The following CAB39L variants were observed in gnomAD, a reference collection of about 807,000 sequenced individuals.
CAB39L encodes the protein calcium-binding protein 39-like.
Under a neutral mutation model 39.1 loss-of-function variants are expected in CAB39L, and 23 were observed. The observed-to-expected ratio is 0.59, with a 90% CI of 0.42 to 0.83. CAB39L has a LOEUF of 0.83. Ranked by LOEUF, CAB39L falls within the 40% of genes least tolerant of loss-of-function variation. CAB39L has a pLI of 0.00. For missense variants in CAB39L, 366 were observed against 391.9 expected, an observed-to-expected ratio of 0.93 and a Z score of 0.56; for synonymous variants, 126 against 137.2, an observed-to-expected ratio of 0.92 and a Z score of 0.57.
At chr13:49,387,974 T>C (rs1956401232) in intron 3 of CAB39L, among the ~76,000 whole-genome samples, 1 of 152,130 alleles carries the variant, frequency 6.6e-6, no homozygotes, top group South Asian at 2.1e-4. Context: ...TATAATGTAC[T>C]AGGCACTGAA....
intron 10 of CAB39L, among the ~76,000 whole-genome samples, chr13:49,320,928 G>A (rs188916707): frequency 1.3e-5 from 2 of 152,160 alleles, no homozygotes; most frequent in Non-Finnish European, 2.9e-5. Context: ...AATTAGACTG[G>A]ACCCCACTGC....
At chr13:49,401,262 G>C (rs375097157) in intron 3 of CAB39L, 1 of 152,150 alleles carries the variant, frequency 6.6e-6, no homozygotes, top group Non-Finnish European at 1.5e-5. Context: ...ATTTAATAGA[G>C]GTTGCCTCCT....
chr13:49,339,517 T>C (rs1315711541), intron 9 of CAB39L, among the ~76,000 whole-genome samples, 160 bp downstream of exon 9: 1 of 152,186 alleles, frequency 6.6e-6, no homozygotes, highest in African/African-American at 2.4e-5. Context: ...TATTTTGCTA[T>C]AAAATACAGT....
intron 5 of CAB39L, among the ~76,000 whole-genome samples, chr13:49,373,519 C>T (rs1292968224): frequency 6.6e-6 from 1 of 152,118 alleles, no homozygotes; most frequent in African/African-American, 2.4e-5. Context: ...AAAGAAGCAC[C>T]AGGAGAGGCT....
At chr13:49,356,282 A>T (rs1287500589) in intron 6 of CAB39L, among the ~76,000 whole-genome samples, 1 of 151,520 alleles carries the variant, frequency 6.6e-6, no homozygotes, top group South Asian at 2.1e-4. Flanking sequence ...TAATAAACTT[A>T]AAAAAACAGG....
intron 8 of CAB39L, among the ~76,000 whole-genome samples, chr13:49,341,470 C>T (rs1329270021): frequency 1.3e-5 from 2 of 152,108 alleles, no homozygotes; most frequent in African/African-American, 2.4e-5. Flanking sequence ...CCAGGTTGGT[C>T]TTGAACTCCT....
chr13:49,342,692 A>G (rs1346799224), intron 8 of CAB39L, among the ~76,000 whole-genome samples: 5 of 152,182 alleles, frequency 3.3e-5, no homozygotes, highest in Non-Finnish European at 2.9e-5. Flanking sequence ...CCCTTCCCTA[A>G]GTCCTAGTTT....
chr13:49,375,587 A>G (rs1440707552), intron 5 of CAB39L, among the ~76,000 whole-genome samples: 1 of 152,108 alleles, frequency 6.6e-6, no homozygotes, highest in Non-Finnish European at 1.5e-5. Flanking sequence ...ATAGGTGGGA[A>G]TTGAACAATG....
In CAB39L at chr13:49,346,058, C is replaced by CATATATATATATGCTAGATATAT. The variant is rs1566079088; in HGVS notation, c.565-1843_565-1821dup. On this transcript the variant is annotated intron_variant, in intron 7 of 10. Transcript: ENST00000409308. ...ATAGGGTGGGGTAGAATTCCTCCAG[C>CATATATATATATGCTAGATATAT]ATATATATATATGCTAGATATATAT... Among the ~76,000 whole-genome samples the CATATATATATATGCTAGATATAT allele has an allele frequency of 1.3e-3, 84 of 66,432 alleles. 2 individuals are homozygous for CATATATATATATGCTAGATATAT. The highest frequency in any genetic ancestry group is 4.6e-3 in the African/African-American group (80 of 17,472). 43.6% of individuals were successfully genotyped at this position (66,432 alleles called of 152,430 possible).
chr13:49,394,210 C>T (rs1231456007), intron 3 of CAB39L, among the ~76,000 whole-genome samples: 1 of 151,604 alleles, frequency 6.6e-6, no homozygotes, highest in Non-Finnish European at 1.5e-5. Context: ...CTCTTTAAGA[C>T]AATTAAGAAA....
chr13:49,329,520 C>A (rs1170729811), intron 10 of CAB39L, among the ~76,000 whole-genome samples: 1 of 106,422 alleles, frequency 9.4e-6, no homozygotes. Flanking sequence ...CCTTGTCCTA[C>A]ATATCTCTTC....
chr13:49,369,308 T>G (rs1955851362), intron 5 of CAB39L, among the ~76,000 whole-genome samples: 1 of 152,188 alleles, frequency 6.6e-6, no homozygotes, highest in African/African-American at 2.4e-5. Context: ...TGGAAATATG[T>G]AAAATATCCC....
At chr13:49,433,763 T>C (rs1241207024) in intron 2 of CAB39L, among the ~76,000 whole-genome samples, 2 of 152,188 alleles carry the variant, frequency 1.3e-5, no homozygotes, top group Non-Finnish European at 2.9e-5. Context: ...AAAAAGGCTG[T>C]GGGAAGGCTT....
intron 10 of CAB39L, among the ~76,000 whole-genome samples, chr13:49,326,253 G>A (rs1418139192): frequency 6.6e-6 from 1 of 152,232 alleles, no homozygotes; most frequent in African/African-American, 2.4e-5. Flanking sequence ...ATCTCTGGGA[G>A]AGTCAGGACC....
intron 8 of CAB39L, among the ~76,000 whole-genome samples, chr13:49,342,598 T>C (rs143926486): frequency 2.6e-5 from 4 of 152,304 alleles, no homozygotes; most frequent in African/African-American, 9.6e-5. Context: ...GACAGAGTAG[T>C]AACATTAACT....
chr13:49,355,232 A>C (rs928851267), intron 6 of CAB39L, among the ~76,000 whole-genome samples: 17 of 151,820 alleles, frequency 1.1e-4, no homozygotes, highest in Non-Finnish European at 1.8e-4. Context: ...AAAAAAATTA[A>C]TTAGCTAAGT....
rs1026849609 is a variant in CAB39L, at chr13:49,330,925, C to T, written c.834+1022G>A. Among the ~76,000 whole-genome samples the T allele has an allele frequency of 3.9e-5, 6 of 152,004 alleles. 1 individual carries two copies. The highest frequency in any genetic ancestry group is 1.4e-4 in the African/African-American group (6 of 41,396). ...ACTAGAAGAAATATACCCAATGATA[C>T]ACTATGATGGTGAGAAATATACTGG... On this transcript the variant is annotated intron_variant, in intron 10 of 10. Coordinates refer to ENST00000409308, the MANE Select transcript of CAB39L (RefSeq NM_001079670.3).
At chr13:49,437,926 T>C (rs1463610442) in intron 1 of CAB39L, among the ~76,000 whole-genome samples, 1 of 152,158 alleles carries the variant, frequency 6.6e-6, no homozygotes, top group Admixed American at 6.5e-5. Context: ...GTTCAAGAGA[T>C]CCTCCGACCT....
intron 8 of CAB39L, among the ~76,000 whole-genome samples, chr13:49,340,318 T>C (rs1357696902): frequency 7.9e-5 from 12 of 152,136 alleles, no homozygotes; most frequent in Admixed American, 7.2e-4. Flanking sequence ...TAACACAGAG[T>C]GCTGGCATCT....
Sources: gnomAD v4.1 joint callset for allele counts (sites outside exome capture counted in the v4.1 genomes callset) on GRCh38, gnomAD v4.1.1 for gene constraint, MANE v1.5 for transcripts, NCBI Gene and HGNC (gene_info 2026-07-23, HGNC 2026-07-21) for gene names.